Variants in CPSF2 observed in about 807,000 individuals in gnomAD.
CPSF2 encodes cleavage and polyadenylation specific factor 2.
In CPSF2, 51 loss-of-function variants were observed where a neutral mutation model predicts 84.2. That is an observed-to-expected ratio of 0.61 (90% CI 0.48 to 0.77). The LOEUF is 0.77. Among genes scored for constraint, CPSF2 ranks in the 30% least tolerant of loss-of-function variants. The pLI, the probability that CPSF2 is intolerant of heterozygous loss-of-function variation, is 0.00. For synonymous variants in CPSF2, 286 were observed against 311.9 expected, an observed-to-expected ratio of 0.92 and a Z score of 0.87; for missense variants, 641 against 929.4, an observed-to-expected ratio of 0.69 and a Z score of 4.03.
chr14:92,143,681 G>C (rs904678940), intron 9 of CPSF2, among the ~76,000 whole-genome samples: 1 of 152,108 alleles, frequency 6.6e-6, no homozygotes, highest in African/African-American at 2.4e-5. Flanking sequence ...TCATAGTTCC[G>C]TGCAGCCTCA....
Position 92,164,931 on chromosome 14 carries a change from C to T in CPSF2, c.*3187C>T, listed in dbSNP as rs1265845790. On this transcript the variant is annotated 3_prime_UTR_variant, in exon 16 of 16. Coordinates refer to ENST00000298875, the MANE Select transcript of CPSF2 (RefSeq NM_017437.3). ...ACCATACCCACTACCAGTCACTCCT[C>T]ATGCCCCCTTCCTATGACCCCTGGC... 1.3e-5 allele frequency: 2 copies of T among 152,234 alleles called. No individual in the cohort carries two copies. The highest frequency in any genetic ancestry group is 2.9e-5 in the Non-Finnish European group (2 of 68,034). The allele number at this position is 152,234 out of a possible 1,614,324, so 9.4% of individuals were successfully genotyped here. A position where few individuals can be genotyped will look rare whatever the true frequency, so the allele number is the denominator to read the frequency against.
At chr14:92,150,401 C>T (rs532724639) in intron 9 of CPSF2, among the ~76,000 whole-genome samples, 4 of 151,586 alleles carry the variant, frequency 2.6e-5, no homozygotes, top group African/African-American at 9.7e-5. Flanking sequence ...GGATTACAGG[C>T]GCGAGTCACC....
At position 92,171,789 on chromosome 14, in the gene CPSF2, A is replaced by G. The variant is rs1249442305; in HGVS notation, c.*10045A>G. 1.3e-5 allele frequency: 2 copies of G among 152,198 alleles called. No homozygotes were observed. The highest frequency in any genetic ancestry group is 3.8e-4 in the East Asian group (2 of 5,198). 9.4% of individuals were successfully genotyped at this position (152,198 alleles called of 1,614,324 possible). ...TACCTATTTCACATCTACTCCACAG[A>G]GTTTATTCTAGTCTTCTCCCTTTCC... is the stretch of plus-strand genomic sequence containing the variant. On this transcript the variant is annotated 3_prime_UTR_variant, in exon 16 of 16. Transcript: ENST00000298875.
At chr14:92,148,915 C>T (rs2069176907) in intron 9 of CPSF2, among the ~76,000 whole-genome samples, 1 of 151,942 alleles carries the variant, frequency 6.6e-6, no homozygotes, top group Non-Finnish European at 1.5e-5. Context: ...TATGGGTCTA[C>T]CTTACATAGT....
At chr14:92,161,552 G>T in intron 15 of CPSF2, 100 bp from the exon 16 acceptor site, 1 of 800,540 alleles carries the variant, frequency 1.2e-6, no homozygotes, top group South Asian at 2.2e-5. Flanking sequence ...CCCATGTCCT[G>T]ACCAATCATA....
chr14:92,147,351 C>T (rs769085212), intron 9 of CPSF2, among the ~76,000 whole-genome samples: 12 of 151,892 alleles, frequency 7.9e-5, no homozygotes, highest in Admixed American at 4.6e-4. Flanking sequence ...AAATGAACAA[C>T]GAAGGATTAA....
rs759541068 is a variant in CPSF2, at chr14:92,157,837, A to G, written c.1774A>G (p.Lys592Glu). The change falls in exon 13 of 16, where the codon AAG (lysine) becomes GAG (glutamate). Residue 592 changes from lysine (K) to glutamate (E), a missense_variant. Lys to Glu is a moderately conservative substitution (Grantham distance 56). Around this residue, in one of 2 missense-constraint regions of CPSF2, gnomAD observed 430 missense variants for 553.6 expected, o/e 0.78. Transcript: ENST00000298875. The surrounding 1 kb of genome is among the most constrained non-coding windows in gnomAD (Gnocchi z 4.0). The part of the protein sequence containing the change: ...GGKDIKVYMP[K>E]LHETVDATSE... ...GAAAGATATTAAAGTGTACATGCCA[A>G]AGCTACATGAAACAGTTGATGCCAC... is the stretch of plus-strand genomic sequence containing the variant. 1 of 1,614,200 alleles carries G rather than the reference A, an allele frequency of 6.2e-7. No homozygotes were observed. The highest frequency in any genetic ancestry group is 8.5e-7 in the Non-Finnish European group (1 of 1,180,028).
At chr14:92,122,236 CG>C in intron 1 of CPSF2, 108 bp downstream of exon 1, 1 of 280,464 alleles carries the variant, frequency 3.6e-6, no homozygotes, top group African/African-American at 2.2e-5. Flanking sequence ...CCCGAGGACT[CG>C]CCCCCGCCGC....
Position 92,157,816 on chromosome 14 carries a change from G to A in CPSF2, c.1753G>A (p.Asp585Asn). The A allele has an allele frequency of 6.2e-7, 1 of 1,614,188 alleles. No individual in the cohort carries two copies. Among genetic ancestry groups the A allele is most frequent in the Non-Finnish European group, 8.5e-7 (1 of 1,180,036 alleles). ...GTGCTGTCGCGCCTTTGGTGGGAAA[G>A]ATATTAAAGTGTACATGCCAAAGCT... ...AECCRAFGGK[D>N]IKVYMPKLHE... is the part of the protein sequence containing the mutation. Residue 585 changes from aspartate (D) to asparagine (N), a missense_variant, in exon 13 of 16, where the codon GAT becomes AAT. By Grantham distance (23) the Asp-to-Asn change is conservative. Around this residue, in one of 2 missense-constraint regions of CPSF2, gnomAD observed 430 missense variants for 553.6 expected, o/e 0.78. Coordinates refer to ENST00000298875, the MANE Select transcript of CPSF2 (RefSeq NM_017437.3). This position sits in a 1 kb window ranked among gnomAD's most constrained non-coding sequence, Gnocchi z 4.0.
chr14:92,124,521 A>G (rs747269868), intron 1 of CPSF2, among the ~76,000 whole-genome samples: 1 of 152,194 alleles, frequency 6.6e-6, no homozygotes, highest in Non-Finnish European at 1.5e-5. Flanking sequence ...TGGCAATACT[A>G]TTAAAACTTA....
chr14:92,135,633 T>C, intron 6 of CPSF2, 137 bp downstream of exon 6: 1 of 781,230 alleles, frequency 1.3e-6, no homozygotes, highest in South Asian at 2.0e-5. Context: ...AGGGAGTGTT[T>C]TCAAAATTAA....
intron 1 of CPSF2, among the ~76,000 whole-genome samples, chr14:92,123,736 A>G (rs1343170115): frequency 6.6e-6 from 1 of 152,212 alleles, no homozygotes; most frequent in Non-Finnish European, 1.5e-5. Context: ...AGTAACTGTG[A>G]GATATTTGCG....
chr14:92,157,449 A>G lies in CPSF2; in HGVS notation c.1596-210A>G, dbSNP rs1329654822. Among the ~76,000 whole-genome samples the G allele has an allele frequency of 2.0e-5, 3 of 152,110 alleles. No homozygotes were observed. Among genetic ancestry groups the G allele is most frequent in the South Asian group, 2.1e-4 (1 of 4,824 alleles). On this transcript the variant is annotated intron_variant, in intron 12 of 15. Transcript: ENST00000298875. This position sits in a 1 kb window ranked among gnomAD's most constrained non-coding sequence, Gnocchi z 4.0. Reference sequence around the variant, plus strand: ...TTGAACCTGGGAGGTAGAGGTTGCAATGAGCGAAGATCATGCTACTGCACT... The same window carrying G: ...TTGAACCTGGGAGGTAGAGGTTGCAGTGAGCGAAGATCATGCTACTGCACT...
chr14:92,154,370 G>C lies in CPSF2; in HGVS notation c.1153G>C (p.Val385Leu). Residue 385 changes from valine (V) to leucine (L), a missense_variant, in exon 10 of 16, where the codon GTG becomes CTG. Val to Leu is a conservative substitution (Grantham distance 32). Around this residue, in one of 2 missense-constraint regions of CPSF2, gnomAD observed 430 missense variants for 553.6 expected, o/e 0.78. Transcript: ENST00000298875. ...KITEIELRKR[V>L]KLEGKELEEY... ...TATTTTTTTTTAGTTGAGGAAACGTGTGAAGCTTGAAGGGAAAGAACTTGA... is the reference window on the plus strand; with the variant it reads ...TATTTTTTTTTAGTTGAGGAAACGTCTGAAGCTTGAAGGGAAAGAACTTGA... 6.2e-7 allele frequency: 1 copy of C among 1,600,238 alleles called. No individual in the cohort carries two copies. Among genetic ancestry groups the C allele is most frequent in the East Asian group, 2.2e-5 (1 of 44,738 alleles).
chr14:92,140,915 A>G (rs1202941521), intron 7 of CPSF2, among the ~76,000 whole-genome samples: 1 of 152,098 alleles, frequency 6.6e-6, no homozygotes, highest in African/African-American at 2.4e-5. Context: ...CCCTGTCTCA[A>G]CAAACAAACA....
chr14:92,129,872 T>C (rs1300549089), intron 2 of CPSF2, among the ~76,000 whole-genome samples: 1 of 152,084 alleles, frequency 6.6e-6, no homozygotes, highest in African/African-American at 2.4e-5. Flanking sequence ...CTTGGCCTTC[T>C]GAGTAGCTAG....
rs2069442363 is a variant in CPSF2, at chr14:92,165,985, C to T, written c.*4241C>T. Reference sequence around the variant, plus strand: ...AAAGGGATTCTCCTGCCTCAGCCTCCTGAGTACTGGGATTACAGGCACCCA... The same window carrying T: ...AAAGGGATTCTCCTGCCTCAGCCTCTTGAGTACTGGGATTACAGGCACCCA... On this transcript the variant is annotated 3_prime_UTR_variant, in exon 16 of 16. Coordinates refer to ENST00000298875, the MANE Select transcript of CPSF2 (RefSeq NM_017437.3). The T allele has an allele frequency of 6.6e-6, 1 of 151,122 alleles. No homozygotes were observed. Among genetic ancestry groups the T allele is most frequent in the Non-Finnish European group, 1.5e-5 (1 of 67,948 alleles). 9.4% of individuals were successfully genotyped at this position (151,122 alleles called of 1,614,324 possible). A position where few individuals can be genotyped will look rare whatever the true frequency, so the allele number is the denominator to read the frequency against.
In CPSF2 at chr14:92,166,187, C is replaced by G. The variant is rs576880833; in HGVS notation, c.*4443C>G. The G allele has an allele frequency of 1.3e-5, 2 of 151,974 alleles. No individual in the cohort carries two copies. The highest frequency in any genetic ancestry group is 4.8e-5 in the African/African-American group (2 of 41,468). 9.4% of individuals were successfully genotyped at this position (151,974 alleles called of 1,614,324 possible). ...TTGGTTTTATATCTTAAAAGCTATT[C>G]CTTCATTCAAAGTCACGAAGGTTTA... On this transcript the variant is annotated 3_prime_UTR_variant, in exon 16 of 16. Transcript: ENST00000298875.
intron 2 of CPSF2, among the ~76,000 whole-genome samples, chr14:92,130,511 G>A (rs559135261): frequency 1.3e-5 from 2 of 152,336 alleles, no homozygotes; most frequent in Admixed American, 1.3e-4. Context: ...CTTGGATGCA[G>A]TAGTATCTGT....
Sources: gnomAD v4.1 joint callset for allele counts (sites outside exome capture counted in the v4.1 genomes callset) on GRCh38, gnomAD v4.1.1 for gene constraint, gnomAD v4.1.1 regional missense constraint, Gnocchi (gnomAD v3.1) non-coding constraint, MANE v1.5 for transcripts, NCBI Gene and HGNC (gene_info 2026-07-23, HGNC 2026-07-21) for gene names.